CDH13: variants seen among roughly 807,000 people sequenced by gnomAD.
CDH13 encodes cadherin 13.
A neutral mutation model predicts 63.8 loss-of-function variants in CDH13; 24 were observed. The ratio of observed to expected loss-of-function variants is 0.38; its 90% CI spans 0.27 to 0.53. CDH13 has a LOEUF of 0.53. Ranked by LOEUF, CDH13 falls within the 20% of genes least tolerant of loss-of-function variation. The pLI, the probability that CDH13 is intolerant of heterozygous loss-of-function variation, is 0.85. For synonymous variants in CDH13, 503 were observed against 355.3 expected (o/e 1.42, Z -4.67); for missense variants, 1,049 against 903.1 (o/e 1.16, Z -2.07).
intron 6 of CDH13, among the ~76,000 whole-genome samples, chr16:83,422,306 C>T (rs552398380): frequency 6.6e-6 from 1 of 152,162 alleles, no homozygotes; most frequent in Non-Finnish European, 1.5e-5. Context: ...CACAGTCATT[C>T]TCTTTAATAG....
intron 10 of CDH13, among the ~76,000 whole-genome samples, chr16:83,741,193 C>T (rs1367872858): frequency 1.3e-5 from 2 of 152,176 alleles, no homozygotes; most frequent in African/African-American, 4.8e-5. Flanking sequence ...ATGCCCTTTA[C>T]TTTACACTCA....
At position 83,187,965 on chromosome 16, in the gene CDH13, G is replaced by A. The variant is rs1160246644; in HGVS notation, c.484-29380G>A. Among the ~76,000 whole-genome samples, 4 of 152,162 alleles carry A rather than the reference G, an allele frequency of 2.6e-5. No homozygotes were observed. In the East Asian group the frequency reaches 5.8e-4, roughly 22 times the overall value. On this transcript the variant is annotated intron_variant, in intron 4 of 13. Transcript: ENST00000567109. ...GAGCATCCTCGATAAAAGGAACTAT[G>A]AGTGCAAAAGCTGGGGGCAGTAGTG...
intron 2 of CDH13, among the ~76,000 whole-genome samples, chr16:82,924,281 T>G (rs1157506673): frequency 6.6e-6 from 1 of 152,158 alleles, no homozygotes; most frequent in Admixed American, 6.6e-5. Context: ...AATAGCAGCC[T>G]TGTTCATGCA....
intron 2 of CDH13, among the ~76,000 whole-genome samples, chr16:82,905,592 G>A (rs962184339): frequency 6.6e-6 from 1 of 152,050 alleles, no homozygotes; most frequent in African/African-American, 2.4e-5. Context: ...AACCAGTACT[G>A]TCTCATACAA....
chr16:83,426,522 C>CAT (rs1200159455), intron 6 of CDH13, among the ~76,000 whole-genome samples: 6 of 151,780 alleles, frequency 4.0e-5, no homozygotes, highest in Admixed American at 1.3e-4. Context: ...CACACACACA[C>CAT]ACACACACAC....
chr16:83,644,341 G>A (rs1002744726), intron 8 of CDH13, among the ~76,000 whole-genome samples: 4 of 151,986 alleles, frequency 2.6e-5, no homozygotes, highest in African/African-American at 9.7e-5. Context: ...TTTTATAGAT[G>A]TCCCACCATT....
chr16:83,410,971 A>G (rs1409923052), intron 6 of CDH13, among the ~76,000 whole-genome samples: 1 of 152,184 alleles, frequency 6.6e-6, no homozygotes, highest in African/African-American at 2.4e-5. Flanking sequence ...GCCGAAATAC[A>G]CAGCATTAAA....
At chr16:83,086,324 A>T (rs185439219) in intron 3 of CDH13, among the ~76,000 whole-genome samples, 3 of 152,352 alleles carry the variant, frequency 2.0e-5, no homozygotes, top group Non-Finnish European at 2.9e-5. Context: ...TTTCAATTCC[A>T]GATCTACCAT....
At chr16:83,074,415 C>T (rs144352081) in intron 3 of CDH13, among the ~76,000 whole-genome samples, 59 of 152,256 alleles carry the variant, frequency 3.9e-4, no homozygotes, top group African/African-American at 1.1e-3. Flanking sequence ...GCACAAGGTC[C>T]GTTCCATATC....
chr16:83,733,231 C>T (rs7192329), intron 10 of CDH13, among the ~76,000 whole-genome samples: 30,518 of 152,134 alleles, frequency 0.2, 3,307 homozygotes, highest in African/African-American at 0.29. Context: ...CCAGCTCCTT[C>T]ACAGAACAGC....
chr16:83,627,019 A>G (rs1910368911), intron 8 of CDH13, among the ~76,000 whole-genome samples: 1 of 152,036 alleles, frequency 6.6e-6, no homozygotes, highest in South Asian at 2.1e-4. Flanking sequence ...GTTGTGGCTC[A>G]TGCCTGTAAT....
chr16:82,849,321 G>C (rs1158090218), intron 1 of CDH13, among the ~76,000 whole-genome samples: 1 of 152,106 alleles, frequency 6.6e-6, no homozygotes, highest in African/African-American at 2.4e-5. Flanking sequence ...GGTCAACATG[G>C]TGAAGCCCTG....
intron 4 of CDH13, among the ~76,000 whole-genome samples, chr16:83,192,248 G>A (rs960128982): frequency 6.6e-6 from 1 of 152,126 alleles, no homozygotes; most frequent in Non-Finnish European, 1.5e-5. Flanking sequence ...TGTAAACACT[G>A]TACTTGACCT....
chr16:83,755,491 ACACCT>A (rs1329364663), intron 11 of CDH13, among the ~76,000 whole-genome samples: 1 of 142,556 alleles, frequency 7.0e-6, no homozygotes, highest in East Asian at 2.3e-4. Flanking sequence ...GAAGAAAAAC[ACACCT>A]CAAACACTGA....
At chr16:83,162,786 C>A (rs1172634260) in intron 4 of CDH13, among the ~76,000 whole-genome samples, 1 of 152,064 alleles carries the variant, frequency 6.6e-6, no homozygotes, top group Non-Finnish European at 1.5e-5. Flanking sequence ...GTGGCAAACT[C>A]CCCAGGTGAT....
intron 2 of CDH13, among the ~76,000 whole-genome samples, chr16:82,971,115 A>C (rs1908676615): frequency 6.6e-6 from 1 of 152,160 alleles, no homozygotes; most frequent in Non-Finnish European, 1.5e-5. Context: ...CCTCAACCAA[A>C]GACCAGCAGG....
At chr16:82,995,758 G>A (rs1292217001) in intron 2 of CDH13, among the ~76,000 whole-genome samples, 1 of 152,170 alleles carries the variant, frequency 6.6e-6, no homozygotes, top group Admixed American at 6.5e-5. Context: ...CCCCCACCCA[G>A]CTTGTCATGG....
intron 8 of CDH13, among the ~76,000 whole-genome samples, chr16:83,617,520 T>A (rs1399961163): frequency 1.3e-5 from 2 of 151,556 alleles, no homozygotes; most frequent in Non-Finnish European, 1.5e-5. Context: ...GCACATATTC[T>A]AATATATAAT....
rs1302945517 is a variant in CDH13, at chr16:82,884,446, C to T, written c.157+25973C>T. The stretch of plus-strand genomic sequence containing the variant: ...ACAAAGCAAGATGCTTAGTTAACAG[C>T]AGCAACCCAGTGCCTGTAATTTTCA... On this transcript the variant is annotated intron_variant, in intron 2 of 13. Transcript: ENST00000567109. The T allele has an allele frequency of 4.3e-5, 13 of 301,990 alleles. No homozygotes were observed. The East Asian group carries it at 7.0e-4, about 16-fold the overall frequency. The allele number at this position is 301,990 out of a possible 1,614,324, so 18.7% of individuals were successfully genotyped here.
Sources: gnomAD v4.1 joint callset for allele counts (sites outside exome capture counted in the v4.1 genomes callset) on GRCh38, gnomAD v4.1.1 for gene constraint, MANE v1.5 for transcripts, NCBI Gene and HGNC (gene_info 2026-07-23, HGNC 2026-07-21) for gene names.